Variants in TOP1 observed in about 807,000 individuals in gnomAD.
The protein encoded by TOP1 is DNA topoisomerase I, also known as DNA topoisomerase 1.
In TOP1, 10 loss-of-function variants were observed where a neutral mutation model predicts 111.1. That is an observed-to-expected ratio of 0.09 (90% CI 0.06 to 0.15). The LOEUF is 0.15. Ranked by LOEUF, TOP1 falls within the 10% of genes least tolerant of loss-of-function variation. The pLI, the probability that TOP1 is intolerant of heterozygous loss-of-function variation, is 1.00. For synonymous variants in TOP1, 271 were observed against 302.9 expected, an observed-to-expected ratio of 0.89 and a Z score of 1.10; for missense variants, 474 against 926.7, an observed-to-expected ratio of 0.51 and a Z score of 6.34.
Position 41,029,453 on chromosome 20 carries a change from A to G in TOP1, c.56A>G (p.Asn19Ser). The change falls in exon 2 of 21, where the codon AAT becomes AGT. Residue 19 changes from asparagine to serine, a missense_variant and splice_region_variant. This residue lies in a region of TOP1 where 185 missense variants were observed against 226.3 expected (regional missense o/e 0.82). Coordinates refer to ENST00000361337, the MANE Select transcript of TOP1 (RefSeq NM_003286.4). The surrounding 1 kb of genome is among the most constrained non-coding windows in gnomAD (Gnocchi z 6.1). ...DSQIEADFRL[N>S]DSHKHKDKHK... ...CAGATCGAAGCGGATTTCCGATTGAATGGTGAGTGTGCCCCCTGCGCCGAC... is the reference window on the plus strand; with the variant it reads ...CAGATCGAAGCGGATTTCCGATTGAGTGGTGAGTGTGCCCCCTGCGCCGAC... The G allele has an allele frequency of 1.3e-6, 2 of 1,512,938 alleles. No homozygotes were observed. The highest frequency in any genetic ancestry group is 1.8e-6 in the Non-Finnish European group (2 of 1,130,838). The allele number at this position is 1,512,938 out of a possible 1,614,324, so 93.7% of individuals were successfully genotyped here.
rs1236475209 is a variant in TOP1 at position 41,118,639 on chromosome 20, C to T, written c.1950+343C>T. ...AGAGAGTCTTCATAATTCCTTGCTACAGCCCAGAAATACAGCCATTTCCAA... is the reference window on the plus strand; with the variant it reads ...AGAGAGTCTTCATAATTCCTTGCTATAGCCCAGAAATACAGCCATTTCCAA... On this transcript the variant is annotated intron_variant, in intron 18 of 20. Coordinates refer to ENST00000361337, the MANE Select transcript of TOP1 (RefSeq NM_003286.4). This position sits in a 1 kb window ranked among gnomAD's most constrained non-coding sequence, Gnocchi z 4.6. 3.3e-5 allele frequency among the ~76,000 whole-genome samples: 5 copies of T among 152,220 alleles called. No individual in the cohort carries two copies. Among genetic ancestry groups the T allele is most frequent in the Admixed American group, 1.3e-4 (2 of 15,284 alleles).
At chr20:41,077,543 T>G (rs1568686988) in intron 4 of TOP1, 39 bp from the exon 5 acceptor site, 9 of 1,555,036 alleles carry the variant, frequency 5.8e-6, no homozygotes, top group Non-Finnish European at 8.0e-6. Flanking sequence ...TCAAATTTAG[T>G]CCTTTCAAGG....
chr20:41,075,380 C>G (rs1008557268), intron 3 of TOP1, among the ~76,000 whole-genome samples: 1 of 152,160 alleles, frequency 6.6e-6, no homozygotes, highest in Non-Finnish European at 1.5e-5. Context: ...ACTGTGTTAG[C>G]CGGGATGGTC....
rs2145952952 is a variant in TOP1, at chr20:41,101,183, C to G, written c.1164-26C>G. On this transcript the variant is annotated intron_variant, in intron 12 of 20. Coordinates refer to ENST00000361337, the MANE Select transcript of TOP1 (RefSeq NM_003286.4). This position sits in a 1 kb window ranked among gnomAD's most constrained non-coding sequence, Gnocchi z 4.1. ...AAATTATTCCTCACATCTTATTTCA[C>G]TATCCTCGTGCTCTGTTATTTCCAG... is the stretch of plus-strand genomic sequence containing the variant. 1.2e-6 allele frequency: 2 copies of G among 1,612,774 alleles called. No homozygotes were observed. The highest frequency in any genetic ancestry group is 1.7e-6 in the Non-Finnish European group (2 of 1,178,886).
rs111990613 is a variant in TOP1, at chr20:41,061,289, T to C, written c.59-105T>C. 3.0e-3 allele frequency: 3,242 copies of C among 1,090,862 alleles called. 9 individuals carry two copies. Among genetic ancestry groups the C allele is most frequent in the Non-Finnish European group, 3.8e-3 (2,813 of 746,988 alleles). The allele number at this position is 1,090,862 out of a possible 1,614,324, so 67.6% of individuals were successfully genotyped here. The stretch of plus-strand genomic sequence containing the variant: ...GTGGCATGTGCTATTATGCCTACCA[T>C]GCCATTTGAATCCTGTCATTGTACT... On this transcript the variant is annotated intron_variant, in intron 2 of 20. Transcript: ENST00000361337. This position sits in a 1 kb window ranked among gnomAD's most constrained non-coding sequence, Gnocchi z 4.6.
intron 3 of TOP1, among the ~76,000 whole-genome samples, chr20:41,066,587 C>T (rs2145929675): frequency 7.4e-6 from 1 of 135,618 alleles, no homozygotes; most frequent in Admixed American, 7.9e-5. Context: ...GACAGTCTTG[C>T]TCTGTCGCCC....
chr20:41,095,398 T>G lies in TOP1; in HGVS notation c.731-1822T>G, dbSNP rs1198063924. 1.3e-5 allele frequency among the ~76,000 whole-genome samples: 2 copies of G among 152,200 alleles called. No homozygotes were observed. The highest frequency in any genetic ancestry group is 2.9e-5 in the Non-Finnish European group (2 of 68,034). On this transcript the variant is annotated intron_variant, in intron 9 of 20. Coordinates refer to ENST00000361337, the MANE Select transcript of TOP1 (RefSeq NM_003286.4). This position sits in a 1 kb window ranked among gnomAD's most constrained non-coding sequence, Gnocchi z 4.6. ...TTTACATTTTTTTCTTGCCATTTTATTTCATTTATTTTATTCCTAATGACT... is the reference window on the plus strand; with the variant it reads ...TTTACATTTTTTTCTTGCCATTTTAGTTCATTTATTTTATTCCTAATGACT...
At position 41,103,367 on chromosome 20, in the gene TOP1, C is replaced by T. The variant is rs575566161; in HGVS notation, c.1308+2014C>T. ...AACTTAGATCTTCAGTCTCTGCATG[C>T]TTTCCTGTGACATCCACTGCTAAAT... On this transcript the variant is annotated intron_variant, in intron 13 of 20. Coordinates refer to ENST00000361337, the MANE Select transcript of TOP1 (RefSeq NM_003286.4). 1.2e-4 allele frequency among the ~76,000 whole-genome samples: 19 copies of T among 152,310 alleles called. No homozygotes were observed. The South Asian group carries it at 3.9e-3, about 32-fold the overall frequency.
chr20:41,104,902 T>A (rs1417919421), intron 13 of TOP1, among the ~76,000 whole-genome samples: 52 of 152,238 alleles, frequency 3.4e-4, no homozygotes, highest in Non-Finnish European at 1.5e-5. Flanking sequence ...GCATTCTCTT[T>A]TTAGATTTAA....
At chr20:41,087,634 A>G (rs1014674094) in intron 8 of TOP1, among the ~76,000 whole-genome samples, 1 of 152,258 alleles carries the variant, frequency 6.6e-6, no homozygotes, top group Non-Finnish European at 1.5e-5. Context: ...TTTTGCTCAA[A>G]CCAGAAAAAC....
intron 9 of TOP1, among the ~76,000 whole-genome samples, chr20:41,096,794 C>G (rs866410988): frequency 1.4e-4 from 21 of 152,186 alleles, no homozygotes; most frequent in Non-Finnish European, 2.5e-4. Flanking sequence ...CTTCCACTCC[C>G]TGCCCTATCC....
chr20:41,099,494 T>C (rs1315482451), intron 11 of TOP1, among the ~76,000 whole-genome samples: 1 of 152,160 alleles, frequency 6.6e-6, no homozygotes, highest in African/African-American at 2.4e-5. Flanking sequence ...TCAATAAGTA[T>C]ATAAAACGCA....
Position 41,071,095 on chromosome 20 carries a change from C to T in TOP1, c.156-5076C>T, listed in dbSNP as rs935736653. Among the ~76,000 whole-genome samples, 1 of 152,082 alleles carries T rather than the reference C, an allele frequency of 6.6e-6. No homozygotes were observed. The highest frequency in any genetic ancestry group is 1.5e-5 in the Non-Finnish European group (1 of 68,012). Reference sequence around the variant, plus strand: ...TCCCATAGCCAACATTCTAGCTTTCCAGAATATCAGTATTTTGTTGTGGTA... The same window carrying T: ...TCCCATAGCCAACATTCTAGCTTTCTAGAATATCAGTATTTTGTTGTGGTA... On this transcript the variant is annotated intron_variant, in intron 3 of 20. Coordinates refer to ENST00000361337, the MANE Select transcript of TOP1 (RefSeq NM_003286.4). The surrounding 1 kb of genome is among the most constrained non-coding windows in gnomAD (Gnocchi z 4.3).
chr20:41,032,678 A>G lies in TOP1; in HGVS notation c.58+3223A>G, dbSNP rs996412925. On this transcript the variant is annotated intron_variant, in intron 2 of 20. Coordinates refer to ENST00000361337, the MANE Select transcript of TOP1 (RefSeq NM_003286.4). The surrounding 1 kb of genome is among the most constrained non-coding windows in gnomAD (Gnocchi z 4.3). The stretch of plus-strand genomic sequence containing the variant: ...AGTCTAAGAAGTGATATATAGGATC[A>G]TGGTTTGACATCATCTTGTGCTGAT... Among the ~76,000 whole-genome samples the G allele has an allele frequency of 5.3e-5, 8 of 152,226 alleles. No homozygotes were observed. The highest frequency in any genetic ancestry group is 1.0e-4 in the Non-Finnish European group (7 of 68,030).
At chr20:41,113,726 A>AT (rs1600600786) in intron 14 of TOP1, among the ~76,000 whole-genome samples, 2 of 151,330 alleles carry the variant, frequency 1.3e-5, no homozygotes, top group African/African-American at 4.8e-5. Flanking sequence ...AAAAAAAAAA[A>AT]AAAAAATAAA....
At chr20:41,076,039 T>C in intron 3 of TOP1, 132 bp from the exon 4 acceptor site, 2 of 877,598 alleles carry the variant, frequency 2.3e-6, no homozygotes, top group South Asian at 4.0e-5. Flanking sequence ...ACCCTCTACT[T>C]GAACCTTCTG....
In TOP1 at chr20:41,092,481, A is replaced by G. The variant is rs1216740414; in HGVS notation, c.624A>G (p.Glu208=). The part of the protein sequence containing the change: ...EEEQKWKWWE[E]ERYPEGIKWK... The stretch of plus-strand genomic sequence containing the variant: ...GCTTTGTCTTTTAAAGGTGGGAAGA[A>G]GAGCGCTATCCTGAAGGCATCAAGT... The change falls in exon 9 of 21, where the codon GAA becomes GAG. Residue 208 remains glutamate (E), a synonymous_variant. Transcript: ENST00000361337. This position sits in a 1 kb window ranked among gnomAD's most constrained non-coding sequence, Gnocchi z 4.3. The G allele has an allele frequency of 1.3e-6, 2 of 1,569,494 alleles. No homozygotes were observed. Among genetic ancestry groups the G allele is most frequent in the Non-Finnish European group, 1.7e-6 (2 of 1,157,544 alleles).
intron 3 of TOP1, among the ~76,000 whole-genome samples, chr20:41,064,361 G>A (rs956090425): frequency 2.0e-5 from 3 of 152,140 alleles, no homozygotes; most frequent in African/African-American, 7.2e-5. Context: ...CACACGAAAT[G>A]TGCCAAAATA....
In TOP1 at chr20:41,110,289, G is replaced by GA. The variant is rs951622222; in HGVS notation, c.1309-2483dup. 8.1e-5 allele frequency among the ~76,000 whole-genome samples: 12 copies of GA among 148,992 alleles called. No homozygotes were observed. Among genetic ancestry groups the GA allele is most frequent in the Non-Finnish European group, 9.0e-5 (6 of 67,022 alleles). Reference sequence around the variant, plus strand: ...ACAGAGCGAGACGCTGTCTCAGAGGGAAAAAAAAAAGTTAAAAAGGCAGAC... The same window carrying GA: ...ACAGAGCGAGACGCTGTCTCAGAGGGAAAAAAAAAAAGTTAAAAAGGCAGAC... On this transcript the variant is annotated intron_variant, in intron 13 of 20. Transcript: ENST00000361337. This position sits in a 1 kb window ranked among gnomAD's most constrained non-coding sequence, Gnocchi z 4.2.
Sources: gnomAD v4.1 joint callset for allele counts (sites outside exome capture counted in the v4.1 genomes callset) on GRCh38, gnomAD v4.1.1 for gene constraint, gnomAD v4.1.1 regional missense constraint, Gnocchi (gnomAD v3.1) non-coding constraint, MANE v1.5 for transcripts, NCBI Gene and HGNC (gene_info 2026-07-23, HGNC 2026-07-21) for gene names.